CCBE1: variants seen among roughly 807,000 people sequenced by gnomAD.
CCBE1 encodes the protein collagen and calcium binding EGF domains 1.
Under a neutral mutation model 50.0 loss-of-function variants are expected in CCBE1, and 37 were observed. The observed-to-expected ratio is 0.74, with a 90% CI of 0.57 to 0.97. CCBE1 has a LOEUF of 0.97. CCBE1 is among the 50% of genes least tolerant of loss of function. CCBE1 has a pLI of 0.00. For synonymous variants in CCBE1, 234 were observed against 203.7 expected (o/e 1.15, Z -1.27); for missense variants, 538 against 523.8 (o/e 1.03, Z -0.26).
chr18:59,444,199 C>T (rs1910572420), intron 7 of CCBE1, among the ~76,000 whole-genome samples: 1 of 152,208 alleles, frequency 6.6e-6, no homozygotes, highest in South Asian at 2.1e-4. Flanking sequence ...CACCTCTTGG[C>T]TATTGTGAAA....
chr18:59,478,015 T>C (rs78033755), intron 3 of CCBE1, among the ~76,000 whole-genome samples: 9,532 of 152,216 alleles, frequency 0.063, 819 homozygotes, highest in East Asian at 0.33. Context: ...TTTGAGTAAA[T>C]CAGATGACCC....
intron 2 of CCBE1, among the ~76,000 whole-genome samples, chr18:59,552,372 C>G (rs1212091681): frequency 6.6e-6 from 1 of 152,212 alleles, no homozygotes; most frequent in South Asian, 2.1e-4. Flanking sequence ...AGTGTTTCGT[C>G]AGAGGGTCAG....
rs149515849 is a variant in CCBE1, at chr18:59,528,650, G to C, written c.213-48412C>G. Among the ~76,000 whole-genome samples, 918 of 152,284 alleles carry C rather than the reference G, an allele frequency of 6.0e-3. 4 individuals are homozygous for C. The highest frequency in any genetic ancestry group is 9.8e-3 in the Non-Finnish European group (667 of 68,030). On this transcript the variant is annotated intron_variant, in intron 2 of 10. Transcript: ENST00000439986. ...CTGCTGACCTTTGGATGGGGTTCTT[G>C]TGGGGACTTTTGTTGATGCTACTGT... is the stretch of plus-strand genomic sequence containing the variant.
intron 2 of CCBE1, among the ~76,000 whole-genome samples, chr18:59,694,988 G>A (rs1475630593): frequency 6.6e-6 from 1 of 152,180 alleles, no homozygotes; most frequent in Admixed American, 6.5e-5. Context: ...GGTGCTGCTA[G>A]TGTCTCCTGT....
intron 2 of CCBE1, among the ~76,000 whole-genome samples, chr18:59,552,796 T>G (rs1915975839): frequency 6.6e-6 from 1 of 152,212 alleles, no homozygotes; most frequent in East Asian, 1.9e-4. Flanking sequence ...CCAATCACTT[T>G]GAAAAACAAA....
chr18:59,616,828 G>A (rs1048582930), intron 2 of CCBE1, among the ~76,000 whole-genome samples: 2 of 152,180 alleles, frequency 1.3e-5, no homozygotes, highest in African/African-American at 2.4e-5. Flanking sequence ...AAGCCTGTTC[G>A]GACGGAAGCC....
intron 2 of CCBE1, 121 bp from the exon 3 acceptor site, chr18:59,480,359 G>A (rs923427776): frequency 2.9e-6 from 2 of 681,776 alleles, no homozygotes; most frequent in Non-Finnish European, 2.5e-6. Context: ...AAGCAAAGTA[G>A]GGGTGAAGTA....
intron 2 of CCBE1, among the ~76,000 whole-genome samples, chr18:59,606,624 A>T (rs749453986): frequency 6.6e-6 from 1 of 152,178 alleles, no homozygotes; most frequent in Non-Finnish European, 1.5e-5. Flanking sequence ...CAAACCTTGG[A>T]AGGGTGTCAA....
chr18:59,479,065 A>G (rs532747349), intron 3 of CCBE1, among the ~76,000 whole-genome samples: 1 of 152,306 alleles, frequency 6.6e-6, no homozygotes, highest in African/African-American at 2.4e-5. Flanking sequence ...CTGATCAAAA[A>G]TGGTGCTCTA....
intron 2 of CCBE1, among the ~76,000 whole-genome samples, chr18:59,649,279 TA>T (rs1425584549): frequency 6.6e-6 from 1 of 152,218 alleles, no homozygotes; most frequent in Non-Finnish European, 1.5e-5. Context: ...TGCCCCTCCC[TA>T]CTGGGACTCC....
At chr18:59,610,648 C>T (rs2053555976) in intron 2 of CCBE1, among the ~76,000 whole-genome samples, 1 of 152,214 alleles carries the variant, frequency 6.6e-6, no homozygotes, top group East Asian at 1.9e-4. Context: ...CTTGTCTGAC[C>T]TGTTTTCCAA....
intron 5 of CCBE1, among the ~76,000 whole-genome samples, chr18:59,461,729 CTTTTT>C (rs36013463): frequency 9.1e-6 from 1 of 109,336 alleles, no homozygotes. Flanking sequence ...CAGGTGTAAT[CTTTTT>C]TTTTTTTTTT....
At chr18:59,522,994 A>AAAAAAAAAAAAAAAAAAG in intron 2 of CCBE1, among the ~76,000 whole-genome samples, 1 of 34,664 alleles carries the variant, frequency 2.9e-5, no homozygotes, top group Non-Finnish European at 5.1e-5. Flanking sequence ...ACTCTGTTTC[A>AAAAAAAAAAAAAAAAAAG]AAAAAAAAAA....
intron 2 of CCBE1, among the ~76,000 whole-genome samples, chr18:59,605,216 T>A (rs2053482020): frequency 6.6e-6 from 1 of 152,200 alleles, no homozygotes; most frequent in African/African-American, 2.4e-5. Flanking sequence ...GATATGAACT[T>A]TGATCTTTTT....
intron 2 of CCBE1, among the ~76,000 whole-genome samples, chr18:59,556,441 T>C (rs544586787): frequency 1.3e-5 from 2 of 152,174 alleles, no homozygotes; most frequent in South Asian, 4.1e-4. Context: ...TTCCTGCAGA[T>C]GACTAATGAA....
chr18:59,588,166 T>C (rs2053204788), intron 2 of CCBE1, among the ~76,000 whole-genome samples: 1 of 152,240 alleles, frequency 6.6e-6, no homozygotes, highest in Non-Finnish European at 1.5e-5. Context: ...GTTTTTGAGG[T>C]ATAGCCTATA....
chr18:59,440,498 A>C (rs1207269171), intron 7 of CCBE1, among the ~76,000 whole-genome samples: 1 of 151,822 alleles, frequency 6.6e-6, no homozygotes, highest in Non-Finnish European at 1.5e-5. Context: ...CAGTCTTTTC[A>C]CCCCTTGCCC....
chr18:59,664,636 C>T (rs1026226407), intron 2 of CCBE1, among the ~76,000 whole-genome samples: 2 of 152,168 alleles, frequency 1.3e-5, no homozygotes, highest in Non-Finnish European at 2.9e-5. Flanking sequence ...CCATTAAGCA[C>T]CTCATTCTAC....
In CCBE1 at chr18:59,433,927, A is replaced by T. The variant is rs1242617993; in HGVS notation, c.*1981T>A. 3 of 103,276 alleles carry T rather than the reference A, an allele frequency of 2.9e-5. No homozygotes were observed. The highest frequency in any genetic ancestry group is 8.2e-5 in the African/African-American group (2 of 24,320). 6.4% of individuals were successfully genotyped at this position (103,276 alleles called of 1,614,324 possible). A position where few individuals can be genotyped will look rare whatever the true frequency, so the allele number is the denominator to read the frequency against. Reference sequence around the variant, plus strand: ...TTTTTTTTTTTTTTTAATGAGACAGAGTCTCCCTCTGTTGCCTAGGCTGGA... The same window carrying T: ...TTTTTTTTTTTTTTTAATGAGACAGTGTCTCCCTCTGTTGCCTAGGCTGGA... On this transcript the variant is annotated 3_prime_UTR_variant, in exon 11 of 11. Coordinates refer to ENST00000439986, the MANE Select transcript of CCBE1 (RefSeq NM_133459.4).
Sources: gnomAD v4.1 joint callset for allele counts (sites outside exome capture counted in the v4.1 genomes callset) on GRCh38, gnomAD v4.1.1 for gene constraint, MANE v1.5 for transcripts, NCBI Gene and HGNC (gene_info 2026-07-23, HGNC 2026-07-21) for gene names.